SLC35F3: variants seen among roughly 807,000 people sequenced by gnomAD.
SLC35F3 encodes the protein solute carrier family 35 member F3.
A neutral mutation model predicts 49.9 loss-of-function variants in SLC35F3; 25 were observed. That is an observed-to-expected ratio of 0.50 (90% CI 0.37 to 0.70). The LOEUF is 0.70. SLC35F3 is among the 30% of genes least tolerant of loss of function. SLC35F3 has a pLI of 0.00. For synonymous variants in SLC35F3, 275 were observed against 265.4 expected (o/e 1.04, Z -0.35); for missense variants, 525 against 639.8 (o/e 0.82, Z 1.94).
chr1:234,243,277 C>T (rs1428767741), intron 3 of SLC35F3, among the ~76,000 whole-genome samples: 1 of 152,096 alleles, frequency 6.6e-6, no homozygotes. Context: ...ATCACTTGAA[C>T]CTGGGAGACA....
intron 2 of SLC35F3, among the ~76,000 whole-genome samples, chr1:233,981,231 T>C (rs2102822007): frequency 6.6e-6 from 1 of 152,358 alleles, no homozygotes; most frequent in East Asian, 1.9e-4. Context: ...GTGTGTACTT[T>C]ATGCATTGCA....
intron 3 of SLC35F3, among the ~76,000 whole-genome samples, chr1:234,246,004 C>G (rs1667625790): frequency 6.6e-6 from 1 of 152,118 alleles, no homozygotes; most frequent in African/African-American, 2.4e-5. Context: ...TGCCTCTTGA[C>G]TGGAGGGTGG....
chr1:234,196,130 C>T (rs554379644), intron 2 of SLC35F3, among the ~76,000 whole-genome samples: 2 of 152,266 alleles, frequency 1.3e-5, no homozygotes, highest in South Asian at 4.1e-4. Flanking sequence ...GCAGAAGCAG[C>T]TTTCCCTAGG....
intron 2 of SLC35F3, among the ~76,000 whole-genome samples, chr1:234,080,033 AG>A (rs1468524107): frequency 6.6e-6 from 1 of 152,138 alleles, no homozygotes; most frequent in East Asian, 1.9e-4. Context: ...TGACTCTTGG[AG>A]GGTGAGGGCT....
At chr1:234,240,271 A>C (rs1055796496) in intron 3 of SLC35F3, among the ~76,000 whole-genome samples, 2 of 152,094 alleles carry the variant, frequency 1.3e-5, no homozygotes, top group Non-Finnish European at 2.9e-5. Flanking sequence ...GGAGTTCGAG[A>C]CCAGCCTGGC....
intron 2 of SLC35F3, among the ~76,000 whole-genome samples, chr1:234,183,715 G>T (rs908081640): frequency 2.1e-5 from 3 of 142,738 alleles, no homozygotes. Context: ...GTACAGTGTG[G>T]CTCCCATTAT....
At chr1:234,020,638 A>G (rs1326378947) in intron 2 of SLC35F3, among the ~76,000 whole-genome samples, 1 of 152,202 alleles carries the variant, frequency 6.6e-6, no homozygotes, top group Admixed American at 6.5e-5. Flanking sequence ...AATGACTCCT[A>G]TGAACATTAA....
chr1:234,042,976 T>C (rs35914870), intron 2 of SLC35F3, among the ~76,000 whole-genome samples: 20,004 of 152,278 alleles, frequency 0.13, 1,631 homozygotes, highest in Non-Finnish European at 0.18. Context: ...TAAGTCTAAG[T>C]AATATGCTTA....
intron 2 of SLC35F3, among the ~76,000 whole-genome samples, chr1:234,075,139 G>C (rs2102869723): frequency 6.6e-6 from 1 of 152,362 alleles, no homozygotes; most frequent in Admixed American, 6.5e-5. Flanking sequence ...GAGAAATTGA[G>C]AAGTTAGTGA....
chr1:233,906,479 C>T (rs1011662909), intron 2 of SLC35F3, among the ~76,000 whole-genome samples: 6 of 152,272 alleles, frequency 3.9e-5, no homozygotes, highest in South Asian at 4.1e-4. Flanking sequence ...TTCTTTTTCT[C>T]ACTTTGCAAG....
intron 2 of SLC35F3, among the ~76,000 whole-genome samples, chr1:234,018,413 G>T (rs889253748): frequency 6.6e-6 from 1 of 152,218 alleles, no homozygotes; most frequent in African/African-American, 2.4e-5. Context: ...TAGGGGAAGA[G>T]CATGTCCCCC....
intron 2 of SLC35F3, among the ~76,000 whole-genome samples, chr1:234,023,122 A>G (rs1222985081): frequency 6.6e-6 from 1 of 152,138 alleles, no homozygotes; most frequent in Non-Finnish European, 1.5e-5. Flanking sequence ...ATGGAGGAGG[A>G]GTGGAGGTTA....
chr1:234,088,839 G>A (rs1326752281), intron 2 of SLC35F3, among the ~76,000 whole-genome samples: 1 of 152,060 alleles, frequency 6.6e-6, no homozygotes, highest in Non-Finnish European at 1.5e-5. Context: ...TTGGCTTACT[G>A]CAACCTCCAC....
chr1:234,240,442 A>G (rs1302084241), intron 3 of SLC35F3, among the ~76,000 whole-genome samples: 2 of 151,300 alleles, frequency 1.3e-5, no homozygotes, highest in South Asian at 4.2e-4. Context: ...CCATCTCTAC[A>G]GAAAATACAA....
chr1:234,199,359 A>G (rs1379368431), intron 2 of SLC35F3, among the ~76,000 whole-genome samples: 2 of 152,246 alleles, frequency 1.3e-5, no homozygotes, highest in Non-Finnish European at 2.9e-5. Context: ...TTTATTTTCA[A>G]TAACAGTGCC....
At chr1:233,999,320 G>A (rs772567383) in intron 2 of SLC35F3, among the ~76,000 whole-genome samples, 6 of 152,062 alleles carry the variant, frequency 3.9e-5, no homozygotes, top group Non-Finnish European at 8.8e-5. Context: ...AATCCTTCTA[G>A]GCCTTGTCAC....
intron 2 of SLC35F3, among the ~76,000 whole-genome samples, chr1:234,227,415 T>TTTTTTC: frequency 7.3e-6 from 1 of 136,104 alleles, no homozygotes; most frequent in Non-Finnish European, 1.5e-5. Context: ...TTTTTTTTTT[T>TTTTTTC]TGAGATGGAG....
chr1:234,065,436 C>T (rs1435804233), intron 2 of SLC35F3, among the ~76,000 whole-genome samples: 2 of 152,172 alleles, frequency 1.3e-5, no homozygotes, highest in African/African-American at 4.8e-5. Context: ...CGTGAGCCAC[C>T]GCGCCAGGCC....
chr1:233,928,094 C>T (rs1392752169), intron 2 of SLC35F3, among the ~76,000 whole-genome samples: 1 of 151,954 alleles, frequency 6.6e-6, no homozygotes, highest in Non-Finnish European at 1.5e-5. Context: ...CTTCCCTGTT[C>T]TTGGCACTGT....
Sources: gnomAD v4.1 joint callset for allele counts (sites outside exome capture counted in the v4.1 genomes callset) on GRCh38, gnomAD v4.1.1 for gene constraint, MANE v1.5 for transcripts, NCBI Gene and HGNC (gene_info 2026-07-23, HGNC 2026-07-21) for gene names.